BCAT1: variants seen among roughly 807,000 people sequenced by gnomAD.
The protein encoded by BCAT1 is branched chain amino acid transaminase 1.
A neutral mutation model predicts 52.4 loss-of-function variants in BCAT1; 48 were observed. The observed-to-expected ratio is 0.92, with a 90% CI of 0.73 to 1.16. The LOEUF (loss-of-function observed/expected upper bound fraction) is 1.16, where lower values mean the gene tolerates loss of function less well. Among genes scored for constraint, BCAT1 ranks in the 50% most tolerant of loss-of-function variants. The probability of loss-of-function intolerance (pLI) is 0.00; values close to 1 mark genes in which losing one functional copy is unlikely to be tolerated. For synonymous variants in BCAT1, 167 were observed against 161.3 expected, an observed-to-expected ratio of 1.04 and a Z score of -0.27; for missense variants, 451 against 457.1, an observed-to-expected ratio of 0.99 and a Z score of 0.12.
chr12:24,902,917 C>G, intron 1 of BCAT1: 1 of 1,511,998 alleles, frequency 6.6e-7, no homozygotes. Flanking sequence ...CAATCCTCCC[C>G]CCTTCCGCAA....
intron 5 of BCAT1, among the ~76,000 whole-genome samples, chr12:24,875,881 G>T (rs1479775740): frequency 1.3e-5 from 2 of 152,100 alleles, no homozygotes; most frequent in African/African-American, 4.8e-5. Context: ...TTGTGATGGG[G>T]TTACAACTCA....
intron 1 of BCAT1, among the ~76,000 whole-genome samples, chr12:24,919,003 C>T (rs1339115397): frequency 2.0e-5 from 3 of 152,162 alleles, no homozygotes; most frequent in African/African-American, 7.2e-5. Flanking sequence ...ATGTGTGAGC[C>T]TCGATAAATA....
rs1393749912 is a variant in BCAT1 at position 24,816,622 on chromosome 12, T to C, written c.*1386A>G. ...AAAAAAAAAAGATTTATTTCTGCAA[T>C]TAACACTTGACATAAAACATTTGTC... On this transcript the variant is annotated 3_prime_UTR_variant, in exon 11 of 11. Coordinates refer to ENST00000261192, the MANE Select transcript of BCAT1 (RefSeq NM_005504.7). 2.5e-6 allele frequency: 1 copy of C among 396,640 alleles called. No homozygotes were observed. Among genetic ancestry groups the C allele is most frequent in the African/African-American group, 2.1e-5 (1 of 48,284 alleles). 24.6% of individuals were successfully genotyped at this position (396,640 alleles called of 1,614,324 possible).
At position 24,881,404 on chromosome 12, in the gene BCAT1, T is replaced by C. The variant is rs1414653485; in HGVS notation, c.287A>G (p.Glu96Gly). The C allele has an allele frequency of 9.3e-6, 15 of 1,604,730 alleles. No homozygotes were observed. Among genetic ancestry groups the C allele is most frequent in the Non-Finnish European group, 1.3e-5 (15 of 1,171,798 alleles). The change falls in exon 4 of 11, where the codon GAA becomes GGA. Residue 96 changes from glutamate to glycine, a missense_variant. Transcript: ENST00000261192. ...TACTCCTCGAAATGCCTTCAATCCTTCAAATAACTGGAGATCAAAGAGAAA... is the reference window on the plus strand; with the variant it reads ...TACTCCTCGAAATGCCTTCAATCCTCCAAATAACTGGAGATCAAAGAGAAA... The part of the protein sequence containing the change: ...SALHYAVELF[E>G]GLKAFRGVDN...
intron 6 of BCAT1, among the ~76,000 whole-genome samples, chr12:24,849,041 G>C (rs1941424074): frequency 1.3e-5 from 2 of 152,182 alleles, no homozygotes; most frequent in Admixed American, 6.5e-5. Flanking sequence ...GACTGCCATG[G>C]AGTCACCTTC....
At chr12:24,870,831 T>C (rs747525316) in intron 5 of BCAT1, among the ~76,000 whole-genome samples, 2 of 152,150 alleles carry the variant, frequency 1.3e-5, no homozygotes, top group African/African-American at 4.8e-5. Context: ...AAGACCAGCC[T>C]GGCCAACATG....
At position 24,878,588 on chromosome 12, in the gene BCAT1, C is replaced by T. The variant is rs757664915; in HGVS notation, c.452G>A (p.Trp151Ter). The stretch of plus-strand genomic sequence containing the variant: ...ACTAGCAGATGTTGAATATGGGACC[C>T]ATTCTTGATCCAATTTCACAAGCTG... The part of the protein sequence containing the change: ...IQQLVKLDQE[W>*]VPYSTSASLY... The change falls in exon 5 of 11, where the codon TGG becomes TAG. Residue 151 changes from tryptophan to a stop codon, truncating the protein, a stop_gained. Coordinates refer to ENST00000261192, the MANE Select transcript of BCAT1 (RefSeq NM_005504.7). LOFTEE classifies it high-confidence loss of function. The T allele has an allele frequency of 6.2e-7, 1 of 1,610,150 alleles. No homozygotes were observed. The highest frequency in any genetic ancestry group is 2.2e-5 in the East Asian group (1 of 44,788).
intron 5 of BCAT1, among the ~76,000 whole-genome samples, chr12:24,874,793 A>G (rs910277173): frequency 3.9e-5 from 6 of 152,196 alleles, no homozygotes; most frequent in African/African-American, 1.4e-4. Context: ...AGAATCCTCA[A>G]TGTTCTATAA....
chr12:24,888,396 G>A (rs1422702611), intron 3 of BCAT1, among the ~76,000 whole-genome samples: 2 of 152,216 alleles, frequency 1.3e-5, no homozygotes, highest in Non-Finnish European at 2.9e-5. Flanking sequence ...CTACCTGGGA[G>A]GCTGAGGGAG....
In BCAT1 at chr12:24,902,559, A is replaced by T. The variant is rs117368398; in HGVS notation, c.7-674T>A. The T allele has an allele frequency of 5.0e-5, 25 of 498,476 alleles. No individual in the cohort carries two copies. In the East Asian group the frequency reaches 1.7e-3, roughly 33 times the overall value. The allele number at this position is 498,476 out of a possible 1,614,324, so 30.9% of individuals were successfully genotyped here. ...TCCAAGGAGGCAGAAGGCTGCGGTC[A>T]AAATATTTTGGGGTGGCAGAGTCAC... On this transcript the variant is annotated intron_variant, in intron 1 of 10. Transcript: ENST00000261192.
chr12:24,829,177 AGTT>A (rs1940539007), intron 10 of BCAT1, among the ~76,000 whole-genome samples: 1 of 152,116 alleles, frequency 6.6e-6, no homozygotes, highest in Admixed American at 6.6e-5. Context: ...TTAGGTCAGG[AGTT>A]CAAGACCAGC....
At chr12:24,884,072 C>T (rs1942585623) in intron 3 of BCAT1, among the ~76,000 whole-genome samples, 3 of 152,112 alleles carry the variant, frequency 2.0e-5, no homozygotes, top group Admixed American at 2.0e-4. Context: ...TAGCATTATT[C>T]ACAATAGCCA....
chr12:24,947,691 GT>G (rs966448549), intron 1 of BCAT1, among the ~76,000 whole-genome samples: 2 of 152,174 alleles, frequency 1.3e-5, no homozygotes, highest in African/African-American at 4.8e-5. Context: ...AGGGACAGGG[GT>G]TTTTGGACCT....
At position 24,811,919 on chromosome 12, in the gene BCAT1, T is replaced by C. The variant is rs1449194720; in HGVS notation, c.*6089A>G. ...AAAAACTACTTCCTCGAACTACTTA[T>C]TTTTCCTCAGCCACAAGTAAGCGCA... On this transcript the variant is annotated 3_prime_UTR_variant, in exon 11 of 11. Transcript: ENST00000261192. 6.6e-6 allele frequency: 1 copy of C among 152,100 alleles called. No homozygotes were observed. The highest frequency in any genetic ancestry group is 1.5e-5 in the Non-Finnish European group (1 of 67,964). The allele number at this position is 152,100 out of a possible 1,614,324, so 9.4% of individuals were successfully genotyped here.
intron 5 of BCAT1, among the ~76,000 whole-genome samples, chr12:24,863,133 G>A (rs1941898095): frequency 6.6e-6 from 1 of 152,152 alleles, no homozygotes; most frequent in African/African-American, 2.4e-5. Context: ...AATGACCTTA[G>A]AATTTAAAAG....
At position 24,886,880 on chromosome 12, in the gene BCAT1, T is replaced by C. The variant is rs1942676798; in HGVS notation, c.280-5469A>G. Among the ~76,000 whole-genome samples the C allele has an allele frequency of 2.8e-5, 4 of 144,438 alleles. No homozygotes were observed. In the South Asian group the frequency reaches 9.0e-4, roughly 32 times the overall value. The allele number at this position is 144,438 out of a possible 152,430, so 94.8% of individuals were successfully genotyped here. ...GGGCATAGTGGCTCACATGCCAACA[T>C]GGTGAAACCCAGTCTCTACTAAAAA... On this transcript the variant is annotated intron_variant, in intron 3 of 10. Transcript: ENST00000261192.
At chr12:24,887,737 ATT>A (rs1942725267) in intron 3 of BCAT1, among the ~76,000 whole-genome samples, 1 of 152,208 alleles carries the variant, frequency 6.6e-6, no homozygotes, top group African/African-American at 2.4e-5. Flanking sequence ...TTCACTAAAT[ATT>A]TGTTATAATC....
chr12:24,816,933 C>T lies in BCAT1; in HGVS notation c.*1075G>A, dbSNP rs377561726. The T allele has an allele frequency of 1.0e-4, 22 of 213,200 alleles. No individual in the cohort carries two copies. Among genetic ancestry groups the T allele is most frequent in the Admixed American group, 4.1e-4 (7 of 17,054 alleles). 13.2% of individuals were successfully genotyped at this position (213,200 alleles called of 1,614,324 possible). A position where few individuals can be genotyped will look rare whatever the true frequency, so the allele number is the denominator to read the frequency against. ...AAGAGGTGGAGTTCAGGTGGTAATT[C>T]GAGTGATGGGAAGTAGCCATAAATA... On this transcript the variant is annotated 3_prime_UTR_variant, in exon 11 of 11. Coordinates refer to ENST00000261192, the MANE Select transcript of BCAT1 (RefSeq NM_005504.7).
At chr12:24,911,647 C>T (rs1943328489) in intron 1 of BCAT1, among the ~76,000 whole-genome samples, 1 of 152,120 alleles carries the variant, frequency 6.6e-6, no homozygotes. Context: ...AGTGCAAATT[C>T]CTGAGCTTAG....
Sources: gnomAD v4.1 joint callset for allele counts (sites outside exome capture counted in the v4.1 genomes callset) on GRCh38, gnomAD v4.1.1 for gene constraint, MANE v1.5 for transcripts, NCBI Gene and HGNC (gene_info 2026-07-23, HGNC 2026-07-21) for gene names.